The following CHM variants were observed in gnomAD, a reference collection of about 807,000 sequenced individuals.
The protein encoded by CHM is CHM Rab escort protein, also known as rab proteins geranylgeranyltransferase component A 1.
CHM carries 10 observed loss-of-function variants against 49.0 expected under a neutral mutation model. The observed-to-expected ratio is 0.20, with a 90% CI of 0.13 to 0.35. CHM has a LOEUF of 0.35. Among genes scored for constraint, CHM ranks in the 10% least tolerant of loss-of-function variants. The pLI, the probability that CHM is intolerant of heterozygous loss-of-function variation, is 1.00. For missense variants in CHM, 455 were observed against 478.4 expected (o/e 0.95, Z 0.46); for synonymous variants, 184 against 167.5 (o/e 1.10, Z -0.76).
intron 12 of CHM, among the ~76,000 whole-genome samples, chrX:85,881,561 G>C (rs903932192): frequency 1.8e-5 from 2 of 111,840 alleles, no homozygotes; most frequent in African/African-American, 6.5e-5. Context: ...AGAAGGAAGG[G>C]CTGGGACTCA....
intron 8 of CHM, among the ~76,000 whole-genome samples, chrX:85,920,193 T>C (rs773703882): frequency 9.1e-6 from 1 of 110,112 alleles, no homozygotes; most frequent in South Asian, 4.0e-4. Flanking sequence ...CCTCCCTGGT[T>C]CACGCCATTC....
intron 1 of CHM, among the ~76,000 whole-genome samples, chrX:86,044,995 T>G (rs1328897572): frequency 8.9e-6 from 1 of 112,330 alleles, no homozygotes; most frequent in African/African-American, 3.2e-5. Context: ...ATTTCCATCT[T>G]GCATTACAGA....
At chrX:85,909,499 A>G (rs748776897) in intron 9 of CHM, among the ~76,000 whole-genome samples, 2 of 111,463 alleles carry the variant, frequency 1.8e-5, no homozygotes, top group Non-Finnish European at 3.8e-5. Flanking sequence ...AGAAATCTGC[A>G]TTTTTGCCAA....
intron 11 of CHM, among the ~76,000 whole-genome samples, 171 bp from the exon 12 acceptor site, chrX:85,894,455 T>C (rs991279968): frequency 7.1e-5 from 8 of 112,022 alleles, no homozygotes; most frequent in Non-Finnish European, 1.3e-4. Context: ...CATATTTATG[T>C]ATCATTTTCA....
At chrX:85,972,922 T>C (rs1931029697) in intron 4 of CHM, among the ~76,000 whole-genome samples, 1 of 111,877 alleles carries the variant, frequency 8.9e-6, no homozygotes, top group African/African-American at 3.2e-5. Context: ...TCACCTCTCA[T>C]CGGTATGGCT....
At chrX:86,030,378 T>G (rs1256097999) in intron 1 of CHM, among the ~76,000 whole-genome samples, 3 of 112,321 alleles carry the variant, frequency 2.7e-5, no homozygotes, top group African/African-American at 9.7e-5. Context: ...AACAATGTCT[T>G]CTTGGCCAAG....
intron 14 of CHM, among the ~76,000 whole-genome samples, chrX:85,871,932 T>C (rs1286211718): frequency 1.8e-5 from 2 of 112,245 alleles, no homozygotes; most frequent in Non-Finnish European, 1.9e-5. Context: ...CATTTCAAGC[T>C]ATAAATGCAG....
chrX:85,985,230 A>G (rs1045407352), intron 2 of CHM, among the ~76,000 whole-genome samples: 12 of 112,287 alleles, frequency 1.1e-4, no homozygotes, highest in African/African-American at 3.9e-4. Context: ...TGGACTTTGG[A>G]GACTCCAAGC....
intron 9 of CHM, among the ~76,000 whole-genome samples, chrX:85,906,057 C>A (rs2148160856): frequency 9.0e-6 from 1 of 111,682 alleles, no homozygotes; most frequent in East Asian, 2.8e-4. Context: ...GCTGTATCCC[C>A]AGTGCCTGGC....
At position 85,956,382 on chromosome X, in the gene CHM, T is replaced by C; in HGVS notation, c.941-4A>G. Reference sequence around the variant, plus strand: ...TAAAATGTGATCTCTTCATATCCTATGAAAAGATGAAATTTTATCACTTAA... The same window carrying C: ...TAAAATGTGATCTCTTCATATCCTACGAAAAGATGAAATTTTATCACTTAA... On this transcript the variant is annotated splice_polypyrimidine_tract_variant and splice_region_variant and intron_variant, in intron 7 of 14. Transcript: ENST00000357749. 1 of 1,202,484 alleles carries C rather than the reference T, an allele frequency of 8.3e-7. No homozygotes were observed. Among genetic ancestry groups the C allele is most frequent in the Admixed American group, 2.2e-5 (1 of 45,320 alleles).
At chrX:85,900,589 T>C (rs1200179073) in intron 11 of CHM, 57 bp downstream of exon 11, 6 of 696,507 alleles carry the variant, frequency 8.6e-6, no homozygotes, top group Non-Finnish European at 1.1e-5. Context: ...TGTATATATA[T>C]ACCGAAACAT....
rs764846618 is a variant in CHM at position 85,861,606 on chromosome X, T to C, written c.*3024A>G. Reference sequence around the variant, plus strand: ...GAGATAGGGAACTTGTTACTCCATTTTCCTATAGAAAAATATATAAATTGA... The same window carrying C: ...GAGATAGGGAACTTGTTACTCCATTCTCCTATAGAAAAATATATAAATTGA... On this transcript the variant is annotated 3_prime_UTR_variant, in exon 15 of 15. Transcript: ENST00000357749. 34 of 111,792 alleles carry C rather than the reference T, an allele frequency of 3.0e-4. No homozygotes were observed. The highest frequency in any genetic ancestry group is 1.0e-3 in the African/African-American group (32 of 30,836). The allele number at this position is 111,792 out of a possible 1,213,427, so 9.2% of individuals were successfully genotyped here. A position where few individuals can be genotyped will look rare whatever the true frequency, so the allele number is the denominator to read the frequency against.
At chrX:85,998,241 G>C (rs1932536821) in intron 2 of CHM, among the ~76,000 whole-genome samples, 1 of 111,286 alleles carries the variant, frequency 9.0e-6, no homozygotes, top group South Asian at 3.8e-4. Context: ...TAAATACACA[G>C]AGGTGATGGT....
chrX:85,905,183 G>A (rs917008274), intron 9 of CHM, among the ~76,000 whole-genome samples: 10 of 111,129 alleles, frequency 9.0e-5, no homozygotes, highest in Middle Eastern at 4.6e-3. Flanking sequence ...TCAGGCAATG[G>A]CATAATCAGC....
At chrX:85,886,414 G>C (rs888535411) in intron 12 of CHM, among the ~76,000 whole-genome samples, 1 of 112,002 alleles carries the variant, frequency 8.9e-6, no homozygotes, top group Admixed American at 9.4e-5. Context: ...ACCCTTAAAA[G>C]AGATTTGGAA....
chrX:85,909,916 T>C (rs373618029), intron 9 of CHM, among the ~76,000 whole-genome samples: 8 of 111,943 alleles, frequency 7.1e-5, no homozygotes, highest in Non-Finnish European at 1.3e-4. Context: ...AAAATGATTC[T>C]AGAAGTCTAA....
At chrX:85,970,195 C>A (rs1930816188) in intron 4 of CHM, 3 of 559,682 alleles carry the variant, frequency 5.4e-6, no homozygotes, top group South Asian at 9.3e-5. Flanking sequence ...ATATTGTATC[C>A]CATGAATATA....
At chrX:86,004,727 T>A (rs867888918) in intron 2 of CHM, among the ~76,000 whole-genome samples, 1 of 111,510 alleles carries the variant, frequency 9.0e-6, no homozygotes. Flanking sequence ...CCTAAATATA[T>A]ATGCACCAAA....
intron 11 of CHM, among the ~76,000 whole-genome samples, chrX:85,900,292 T>G (rs1439114640): frequency 1.8e-5 from 2 of 111,810 alleles, no homozygotes; most frequent in Non-Finnish European, 3.8e-5. Flanking sequence ...ATGATTGCAC[T>G]TATATGTGAA....
Sources: gnomAD v4.1 joint callset for allele counts (sites outside exome capture counted in the v4.1 genomes callset) on GRCh38, gnomAD v4.1.1 for gene constraint, MANE v1.5 for transcripts, NCBI Gene and HGNC (gene_info 2026-07-23, HGNC 2026-07-21) for gene names.